PCDH15: variants seen among roughly 807,000 people sequenced by gnomAD.
PCDH15 encodes the protein protocadherin related 15.
In PCDH15, 129 loss-of-function variants were observed where a neutral mutation model predicts 178.5. The observed-to-expected ratio is 0.72, with a 90% CI of 0.63 to 0.84. PCDH15 has a LOEUF of 0.84. Among genes scored for constraint, PCDH15 ranks in the 40% least tolerant of loss-of-function variants. The pLI is 0.00. For missense variants in PCDH15, 2,230 were observed against 2,099.9 expected (o/e 1.06, Z -1.21); for synonymous variants, 800 against 732.0 (o/e 1.09, Z -1.50).
At chr10:53,977,552 T>A (rs1466508772) in intron 21 of PCDH15, among the ~76,000 whole-genome samples, 1 of 152,096 alleles carries the variant, frequency 6.6e-6, no homozygotes, top group African/African-American at 2.4e-5. Context: ...CAAGATAAGA[T>A]TTGGGTGGGG....
At chr10:54,919,320 G>T (rs1420964062) in intron 2 of PCDH15, among the ~76,000 whole-genome samples, 1 of 151,950 alleles carries the variant, frequency 6.6e-6, no homozygotes, top group African/African-American at 2.4e-5. Context: ...CATTATATAG[G>T]GCAAGATCAA....
At chr10:55,194,070 T>C (rs1178924580) in intron 1 of PCDH15, among the ~76,000 whole-genome samples, 4 of 152,068 alleles carry the variant, frequency 2.6e-5, no homozygotes, top group Non-Finnish European at 4.4e-5. Context: ...AGTAAATTTA[T>C]AATCTTGATA....
chr10:53,836,128 A>C (rs1049369844), intron 29 of PCDH15, among the ~76,000 whole-genome samples: 5 of 152,114 alleles, frequency 3.3e-5, no homozygotes, highest in Admixed American at 3.3e-4. Flanking sequence ...GAGGAGCAGG[A>C]AGTCCTCTCA....
rs560505890 is a variant in PCDH15, at chr10:55,209,184, G to C, written c.-155-42533C>G. On this transcript the variant is annotated intron_variant, in intron 1 of 5. Coordinates refer to the PCDH15 transcript ENST00000458638. ...GACCTTGTAACATGATACATTCAAG[G>C]CACTGAAACAACAGAGTGGAGGCTG... 2.7e-4 allele frequency among the ~76,000 whole-genome samples: 41 copies of C among 152,184 alleles called. No homozygotes were observed. In the South Asian group the frequency reaches 8.5e-3, roughly 32 times the overall value.
chr10:54,997,093 A>C (rs916241717), intron 2 of PCDH15, among the ~76,000 whole-genome samples: 11 of 137,800 alleles, frequency 8.0e-5, no homozygotes, highest in African/African-American at 2.4e-4. Flanking sequence ...TGAGCAACAA[A>C]GAGCAAAACT....
intron 1 of PCDH15, among the ~76,000 whole-genome samples, chr10:54,793,043 T>C (rs1178167667): frequency 1.3e-5 from 2 of 151,722 alleles, no homozygotes; most frequent in African/African-American, 2.4e-5. Flanking sequence ...AAGGAGGCAA[T>C]ATGAGGATGA....
intron 3 of PCDH15, among the ~76,000 whole-genome samples, chr10:54,456,045 G>C (rs752175007): frequency 6.6e-6 from 1 of 152,208 alleles, no homozygotes; most frequent in African/African-American, 2.4e-5. Flanking sequence ...CAAGTTTGCT[G>C]TGGGAGCAGA....
chr10:54,299,265 C>CAG (rs1230206074), intron 8 of PCDH15, among the ~76,000 whole-genome samples: 1 of 151,032 alleles, frequency 6.6e-6, no homozygotes, highest in East Asian at 2.0e-4. Flanking sequence ...GAGGAAGAGA[C>CAG]AGAGAGACAG....
At chr10:54,422,689 G>C (rs61853572) in intron 3 of PCDH15, among the ~76,000 whole-genome samples, 8,533 of 152,128 alleles carry the variant, frequency 0.056, 327 homozygotes, top group Admixed American at 0.12. Context: ...CCCGGCTTGA[G>C]AATCACAAAT....
At chr10:54,356,475 T>C (rs1352029967) in intron 5 of PCDH15, among the ~76,000 whole-genome samples, 1 of 151,804 alleles carries the variant, frequency 6.6e-6, no homozygotes, top group Non-Finnish European at 1.5e-5. Flanking sequence ...TATAAAATAG[T>C]TATGTATTTA....
At chr10:55,587,573 C>A (rs1446971910) in intron 2 of PCDH15, among the ~76,000 whole-genome samples, 4 of 151,878 alleles carry the variant, frequency 2.6e-5, no homozygotes, top group Non-Finnish European at 4.4e-5. Context: ...CCTGGTCATT[C>A]AAAACCAATA....
intron 2 of PCDH15, among the ~76,000 whole-genome samples, chr10:54,916,216 T>G (rs2131839431): frequency 6.6e-6 from 1 of 152,272 alleles, no homozygotes; most frequent in Admixed American, 6.5e-5. Flanking sequence ...CACCTCAGCC[T>G]CCCAAAGTGC....
intron 1 of PCDH15, among the ~76,000 whole-genome samples, chr10:55,319,184 G>C (rs1040918417): frequency 2.6e-5 from 4 of 152,002 alleles, no homozygotes; most frequent in Non-Finnish European, 5.9e-5. Flanking sequence ...AGTCTCAAAA[G>C]ACACAAGGAC....
intron 3 of PCDH15, among the ~76,000 whole-genome samples, chr10:54,518,382 A>T (rs998449556): frequency 2.0e-5 from 3 of 152,130 alleles, no homozygotes; most frequent in African/African-American, 7.2e-5. Context: ...AGGGGATATC[A>T]CCACCGATCC....
chr10:55,368,461 A>T (rs1267873081), intron 2 of PCDH15, among the ~76,000 whole-genome samples: 1 of 151,926 alleles, frequency 6.6e-6, no homozygotes. Context: ...AGCCTAAGAA[A>T]CTCTGACACT....
At chr10:54,191,132 G>A (rs528472752) in intron 11 of PCDH15, among the ~76,000 whole-genome samples, 2 of 152,206 alleles carry the variant, frequency 1.3e-5, no homozygotes, top group South Asian at 4.1e-4. Context: ...TGAGTTTATT[G>A]AAGAGTTCCC....
intron 2 of PCDH15, among the ~76,000 whole-genome samples, chr10:54,609,351 T>G (rs1281547266): frequency 6.6e-6 from 1 of 152,050 alleles, no homozygotes; most frequent in Non-Finnish European, 1.5e-5. Context: ...AGGAAAAAAT[T>G]CTGTGTTAAA....
intron 2 of PCDH15, among the ~76,000 whole-genome samples, chr10:55,329,789 CAGAG>C (rs1444930157): frequency 1.3e-5 from 2 of 151,706 alleles, no homozygotes; most frequent in Non-Finnish European, 3.0e-5. Context: ...ATTACTTATA[CAGAG>C]TTTTAGCTGA....
intron 2 of PCDH15, among the ~76,000 whole-genome samples, chr10:55,602,427 T>G (rs1843108460): frequency 6.6e-6 from 1 of 152,092 alleles, no homozygotes; most frequent in Admixed American, 6.5e-5. Context: ...GCTCCACCTC[T>G]GGGGGCAGGG....
Sources: gnomAD v4.1 joint callset for allele counts (sites outside exome capture counted in the v4.1 genomes callset) on GRCh38, gnomAD v4.1.1 for gene constraint, MANE v1.5 for transcripts, NCBI Gene and HGNC (gene_info 2026-07-23, HGNC 2026-07-21) for gene names.